TMEM245: variants seen among roughly 807,000 people sequenced by gnomAD.
TMEM245 encodes transmembrane protein 245.
A neutral mutation model predicts 101.2 loss-of-function variants in TMEM245; 69 were observed. The observed-to-expected ratio is 0.68, with a 90% CI of 0.56 to 0.83. TMEM245 has a LOEUF of 0.83. TMEM245 is among the 40% of genes least tolerant of loss of function. TMEM245 has a pLI of 0.00. For missense variants in TMEM245, 1,075 were observed against 1,092.8 expected (o/e 0.98, Z 0.23); for synonymous variants, 537 against 449.8 (o/e 1.19, Z -2.45).
chr9:109,022,675 T>TGGG lies in TMEM245; in HGVS notation c.2595-2171_2595-2170insCCC, dbSNP rs1827667535. 1.5e-4 allele frequency among the ~76,000 whole-genome samples: 23 copies of TGGG among 152,290 alleles called. No individual in the cohort carries two copies. In the Middle Eastern group the frequency reaches 0.014, roughly 90 times the overall value. On this transcript the variant is annotated intron_variant, in intron 17 of 17. Coordinates refer to ENST00000374586, the MANE Select transcript of TMEM245 (RefSeq NM_032012.4). ...CTCCTGTCAGAACTAAAGCTCTAGATAGCTATTTTTCACAGTCTCACCCAA... is the reference window on the plus strand; with the variant it reads ...CTCCTGTCAGAACTAAAGCTCTAGATGGGAGCTATTTTTCACAGTCTCACCCAA...
chr9:109,045,868 T>C (rs559843780), intron 14 of TMEM245, among the ~76,000 whole-genome samples: 1 of 152,322 alleles, frequency 6.6e-6, no homozygotes, highest in South Asian at 2.1e-4. Flanking sequence ...TATTCCAGTG[T>C]TGGGAGAGAT....
intron 14 of TMEM245, 111 bp from the exon 15 acceptor site, chr9:109,038,228 G>T: frequency 1.5e-6 from 1 of 658,546 alleles, no homozygotes; most frequent in Non-Finnish European, 2.5e-6. Context: ...CAGTTTTTCT[G>T]CTGGCCTGAG....
chr9:109,054,398 T>A (rs1564182086), intron 12 of TMEM245, among the ~76,000 whole-genome samples: 1 of 152,242 alleles, frequency 6.6e-6, no homozygotes, highest in Non-Finnish European at 1.5e-5. Context: ...AGATTCCTTC[T>A]ACCTCCAAAA....
intron 5 of TMEM245, 103 bp from the exon 6 acceptor site, chr9:109,087,445 C>A: frequency 8.7e-7 from 1 of 1,150,874 alleles, no homozygotes; most frequent in Non-Finnish European, 1.2e-6. Flanking sequence ...AACAACAAAG[C>A]TAGTATTAAA....
At chr9:109,021,276 A>G (rs1421889412) in intron 17 of TMEM245, among the ~76,000 whole-genome samples, 1 of 152,234 alleles carries the variant, frequency 6.6e-6, no homozygotes, top group East Asian at 1.9e-4. Context: ...GAATTTATCA[A>G]TGAACATGAG....
chr9:109,071,447 T>C (rs1318596848), intron 9 of TMEM245, among the ~76,000 whole-genome samples: 4 of 151,210 alleles, frequency 2.6e-5, no homozygotes, highest in African/African-American at 9.7e-5. Context: ...CTACAAAAAA[T>C]ATAAAAATTA....
chr9:109,090,700 G>C (rs1030473810), intron 5 of TMEM245, among the ~76,000 whole-genome samples: 5 of 149,120 alleles, frequency 3.4e-5, no homozygotes, highest in African/African-American at 1.2e-4. Context: ...CTTCCAGCCT[G>C]GGCAAGACTC....
At chr9:109,032,828 A>T (rs7865644) in intron 17 of TMEM245, among the ~76,000 whole-genome samples, 29,163 of 78,334 alleles carry the variant, frequency 0.37, 2,971 homozygotes, top group African/African-American at 0.43. Context: ...TTTTTTTTTT[A>T]TATGCTGTTG....
In TMEM245 at chr9:109,017,299, C is replaced by A. The variant is rs1827475817; in HGVS notation, c.*3161G>T. On this transcript the variant is annotated 3_prime_UTR_variant, in exon 18 of 18. Transcript: ENST00000374586. ...CTGTCATGGGCCAACCCACACTAGA[C>A]TCAGAAGTCAAGGGAAAGCTCTGCC... 1 of 152,226 alleles carries A rather than the reference C, an allele frequency of 6.6e-6. No individual in the cohort carries two copies. Among genetic ancestry groups the A allele is most frequent in the African/African-American group, 2.4e-5 (1 of 41,456 alleles). The allele number at this position is 152,226 out of a possible 1,614,324, so 9.4% of individuals were successfully genotyped here.
chr9:109,087,915 A>G (rs1564199700), intron 5 of TMEM245, among the ~76,000 whole-genome samples: 1 of 152,326 alleles, frequency 6.6e-6, no homozygotes, highest in East Asian at 1.9e-4. Flanking sequence ...TAGAGAAGCA[A>G]GCTGAATACT....
chr9:109,093,752 A>G (rs1399126360), intron 3 of TMEM245, among the ~76,000 whole-genome samples, 161 bp from the exon 4 acceptor site: 3 of 152,208 alleles, frequency 2.0e-5, no homozygotes, highest in African/African-American at 7.2e-5. Context: ...AAGAATTGAC[A>G]TGAAAGTGTG....
chr9:109,091,087 TGGGTGAAGGGGAGGA>T lies in TMEM245; in HGVS notation c.970_984del (p.Ser324_Pro328del), dbSNP rs748362102. The T allele has an allele frequency of 1.1e-5, 18 of 1,613,784 alleles. No individual in the cohort carries two copies. The highest frequency in any genetic ancestry group is 1.3e-5 in the Non-Finnish European group (15 of 1,179,922). Reference sequence around the variant, plus strand: ...CTGCCCAGAGTAGGTGAAGGGGAAGTGGGTGAAGGGGAGGAGGGTGAAGGGGAGGTGGACAACGTT... The same window carrying T: ...CTGCCCAGAGTAGGTGAAGGGGAAGTGGGTGAAGGGGAGGTGGACAACGTT... On this transcript the variant is annotated inframe_deletion, in exon 5 of 18. Transcript: ENST00000374586.
intron 3 of TMEM245, among the ~76,000 whole-genome samples, chr9:109,097,721 C>A (rs1280668529): frequency 3.9e-5 from 6 of 152,156 alleles, no homozygotes; most frequent in African/African-American, 1.4e-4. Context: ...GAGTTCCAGA[C>A]CTGCCTGGCC....
At chr9:109,110,991 G>A (rs374935545) in intron 1 of TMEM245, among the ~76,000 whole-genome samples, 3 of 151,856 alleles carry the variant, frequency 2.0e-5, no homozygotes, top group African/African-American at 4.8e-5. Flanking sequence ...TTAATTTTGC[G>A]CTACCAAACC....
intron 1 of TMEM245, among the ~76,000 whole-genome samples, chr9:109,117,118 T>G (rs72607173): frequency 0.23 from 35,281 of 151,124 alleles, 4,978 homozygotes; most frequent in Admixed American, 0.31. Context: ...GTTTTTTTGG[T>G]TTTTTTTTGA....
intron 1 of TMEM245, among the ~76,000 whole-genome samples, chr9:109,111,772 A>G (rs1480088118): frequency 6.6e-6 from 1 of 152,212 alleles, no homozygotes; most frequent in Non-Finnish European, 1.5e-5. Context: ...ATCAATATAC[A>G]GTGCTACAGT....
At chr9:109,051,719 C>T (rs1008841284) in intron 12 of TMEM245, among the ~76,000 whole-genome samples, 10 of 152,174 alleles carry the variant, frequency 6.6e-5, no homozygotes, top group Non-Finnish European at 1.2e-4. Context: ...CATGACTTTA[C>T]CTCCTGGGGA....
At chr9:109,082,346 A>G (rs1334933322) in intron 7 of TMEM245, among the ~76,000 whole-genome samples, 1 of 152,224 alleles carries the variant, frequency 6.6e-6, no homozygotes, top group Non-Finnish European at 1.5e-5. Context: ...CTTAAAAAAA[A>G]GGAATAACAG....
At chr9:109,034,324 C>A (rs1488857648) in intron 16 of TMEM245, among the ~76,000 whole-genome samples, 1 of 152,174 alleles carries the variant, frequency 6.6e-6, no homozygotes, top group African/African-American at 2.4e-5. Flanking sequence ...GAGAACCAGT[C>A]TTCAGGAAAC....
Sources: gnomAD v4.1 joint callset for allele counts (sites outside exome capture counted in the v4.1 genomes callset) on GRCh38, gnomAD v4.1.1 for gene constraint, MANE v1.5 for transcripts, NCBI Gene and HGNC (gene_info 2026-07-23, HGNC 2026-07-21) for gene names.